ITFG2: variants seen among roughly 807,000 people sequenced by gnomAD.
ITFG2 encodes the protein integrin alpha FG-GAP repeat containing 2.
Under a neutral mutation model 54.4 loss-of-function variants are expected in ITFG2, and 36 were observed. The ratio of observed to expected loss-of-function variants is 0.66; its 90% CI spans 0.51 to 0.87. ITFG2 has a LOEUF of 0.87. Among genes scored for constraint, ITFG2 ranks in the 40% least tolerant of loss-of-function variants. The pLI is 0.00. For synonymous variants in ITFG2, 211 were observed against 225.4 expected (o/e 0.94, Z 0.57); for missense variants, 524 against 576.7 (o/e 0.91, Z 0.94).
intron 2 of ITFG2, among the ~76,000 whole-genome samples, chr12:2,856,478 GCCTCAGCCT>G: frequency 6.6e-6 from 1 of 152,270 alleles, no homozygotes; most frequent in Non-Finnish European, 1.5e-5. Flanking sequence ...TGATTCTCCT[GCCTCAGCCT>G]CCTGAGTAGC....
At chr12:2,831,651 C>G (rs915717917), downstream of ITFG2, among the ~76,000 whole-genome samples, 4 of 152,138 alleles carry the variant, frequency 2.6e-5, no homozygotes, top group African/African-American at 9.7e-5. Flanking sequence ...TGACCTGTCC[C>G]TCATCTACAA....
In ITFG2 at chr12:2,858,786, T is replaced by C. The variant is rs763484794; in HGVS notation, n.620+455T>C. 5.7e-5 allele frequency: 92 copies of C among 1,614,056 alleles called. No individual in the cohort carries two copies. Among genetic ancestry groups the C allele is most frequent in the Non-Finnish European group, 6.9e-5 (81 of 1,180,044 alleles). ...GACCAGGCCTTCTGTCAGAGAACGA[T>C]TGGCTGCAAGGCCAGAAACCTGTGG... is the stretch of plus-strand genomic sequence containing the variant. On this transcript the variant is annotated intron_variant and non_coding_transcript_variant, in intron 3 of 3. Coordinates refer to the ITFG2 transcript ENST00000537710.
chr12:2,815,200 C>T (rs2097918726), intron 1 of ITFG2, among the ~76,000 whole-genome samples: 1 of 152,274 alleles, frequency 6.6e-6, no homozygotes, highest in East Asian at 1.9e-4. Context: ...TTACTGTTCA[C>T]CTGTTTATCT....
downstream of ITFG2, chr12:2,827,150 A>G (rs571465663): frequency 3.1e-6 from 5 of 1,611,784 alleles, no homozygotes; most frequent in African/African-American, 5.3e-5. This position sits in a 1 kb window ranked among gnomAD's most constrained non-coding sequence, Gnocchi z 4.0. Context: ...CCCGTTCCCC[A>G]CACGCCTCTT....
intron 2 of ITFG2, chr12:2,855,537 G>A (rs1015071177): frequency 1.0e-5 from 10 of 998,246 alleles, no homozygotes; most frequent in Admixed American, 3.3e-5. Flanking sequence ...TCCCAGGCAC[G>A]ACCTCTGCCA....
At chr12:2,851,956 G>A (rs575677241) in intron 2 of ITFG2, among the ~76,000 whole-genome samples, 1 of 152,368 alleles carries the variant, frequency 6.6e-6, no homozygotes, top group South Asian at 2.1e-4. Context: ...TGGGATTACA[G>A]GCGTGAGCCA....
chr12:2,847,343 A>G (rs1464719907), intron 2 of ITFG2, among the ~76,000 whole-genome samples: 1 of 152,008 alleles, frequency 6.6e-6, no homozygotes, highest in Non-Finnish European at 1.5e-5. Flanking sequence ...ATCATCCCCA[A>G]CAGAAACCCT....
At chr12:2,828,372 G>C (rs1447086713), downstream of ITFG2, 5 of 1,614,098 alleles carry the variant, frequency 3.1e-6, no homozygotes, top group Non-Finnish European at 4.2e-6. Flanking sequence ...CGATTGTATT[G>C]GGTGCCTGTG....
rs370531674 is a variant in ITFG2 at position 2,853,203 on chromosome 12, G to A, written n.301-4809G>A. On this transcript the variant is annotated intron_variant and non_coding_transcript_variant, in intron 2 of 3. Coordinates refer to the ITFG2 transcript ENST00000537710. The stretch of plus-strand genomic sequence containing the variant: ...CAGCAACTGGCAATCTTCAGGGCAA[G>A]GGTAGCAGGGAAGCAGGGAGAAGCC... Among the ~76,000 whole-genome samples, 54 of 152,234 alleles carry A rather than the reference G, an allele frequency of 3.5e-4. 1 individual carries two copies. In the South Asian group the frequency reaches 0.01, roughly 29 times the overall value.
upstream of ITFG2, among the ~76,000 whole-genome samples, chr12:2,832,532 T>TG (rs1157433949): frequency 6.6e-6 from 1 of 152,030 alleles, no homozygotes; most frequent in African/African-American, 2.4e-5. Flanking sequence ...TGAGATTCTG[T>TG]GTACATCCTA....
chr12:2,849,080 G>A (rs1227830396), intron 2 of ITFG2: 1 of 724,618 alleles, frequency 1.4e-6, no homozygotes, highest in Non-Finnish European at 2.2e-6. Context: ...GGGGTACAGA[G>A]GTGGCTTGAG....
intron 4 of ITFG2, among the ~76,000 whole-genome samples, chr12:2,819,018 A>G (rs1205000225): frequency 1.3e-5 from 2 of 151,944 alleles, no homozygotes; most frequent in East Asian, 1.9e-4. Context: ...TCTCCAAAAA[A>G]AAAAAGAAAA....
chr12:2,852,996 C>G (rs2098075847), intron 2 of ITFG2, among the ~76,000 whole-genome samples: 1 of 147,758 alleles, frequency 6.8e-6, no homozygotes, highest in South Asian at 2.3e-4. Flanking sequence ...GAAGACTCTG[C>G]CTCAAAAAAA....
rs575751385 is a variant in ITFG2 at position 2,846,469 on chromosome 12, C to T, written n.300+5474C>T. ...AGCCCAGGCCTTGCAGTCCCCGCTC[C>T]AGCACACCCCTCCCGTCCTCTCGCC... is the stretch of plus-strand genomic sequence containing the variant. On this transcript the variant is annotated intron_variant and non_coding_transcript_variant, in intron 2 of 3. Coordinates refer to the ITFG2 transcript ENST00000537710. Among the ~76,000 whole-genome samples the T allele has an allele frequency of 4.6e-5, 7 of 152,182 alleles. No homozygotes were observed. In the East Asian group the frequency reaches 5.9e-4, roughly 13 times the overall value.
At chr12:2,852,684 T>C (rs936753674) in intron 2 of ITFG2, among the ~76,000 whole-genome samples, 8 of 152,072 alleles carry the variant, frequency 5.3e-5, no homozygotes, top group African/African-American at 1.9e-4. Flanking sequence ...ACTTGACCTG[T>C]CCAGCTCAGA....
At chr12:2,826,943 C>T (rs2097969996), downstream of ITFG2, 5 of 1,289,282 alleles carry the variant, frequency 3.9e-6, no homozygotes, top group Non-Finnish European at 4.9e-6. Flanking sequence ...CTTGATTTGG[C>T]TTTGCTTTTC....
chr12:2,832,442 C>T (rs2098008165), upstream of ITFG2, among the ~76,000 whole-genome samples: 1 of 151,946 alleles, frequency 6.6e-6, no homozygotes, highest in African/African-American at 2.4e-5. Context: ...CCTGAAACTC[C>T]TCTTCCTCAC....
chr12:2,836,126 ATACACC>A (rs1266678177), upstream of ITFG2, among the ~76,000 whole-genome samples: 1 of 152,208 alleles, frequency 6.6e-6, no homozygotes, highest in Non-Finnish European at 1.5e-5. Flanking sequence ...TCTCTAGAGT[ATACACC>A]TACACCTAGG....
At chr12:2,846,588 T>TA (rs1205067847) in intron 2 of ITFG2, among the ~76,000 whole-genome samples, 1 of 152,070 alleles carries the variant, frequency 6.6e-6, no homozygotes, top group Non-Finnish European at 1.5e-5. Context: ...GCGTGTTTTC[T>TA]AATGGCCTGC....
Sources: allele counts gnomAD v4.1 joint callset (sites outside exome capture counted in the v4.1 genomes callset), GRCh38; gene constraint gnomAD v4.1.1; non-coding constraint Gnocchi (gnomAD v3.1); transcripts MANE v1.5; gene names NCBI Gene and HGNC (gene_info 2026-07-23, HGNC 2026-07-21).